XIRP2: variants seen among roughly 807,000 people sequenced by gnomAD.
XIRP2 encodes the protein xin actin binding repeat containing 2, also known as xin actin-binding repeat-containing protein 2.
In XIRP2, 236 loss-of-function variants were observed where a neutral mutation model predicts 277.0. That is an observed-to-expected ratio of 0.85 (90% CI 0.77 to 0.95). The LOEUF (loss-of-function observed/expected upper bound fraction) is 0.95, where lower values mean the gene tolerates loss of function less well. Ranked by LOEUF, XIRP2 falls within the 40% of genes least tolerant of loss-of-function variation. The probability of loss-of-function intolerance (pLI) is 0.00; values close to 1 mark genes in which losing one functional copy is unlikely to be tolerated. For missense variants in XIRP2, 4,640 were observed against 4,157.5 expected, an observed-to-expected ratio of 1.12 and a Z score of -3.19; for synonymous variants, 1,490 against 1,416.5, an observed-to-expected ratio of 1.05 and a Z score of -1.17.
intron 3 of XIRP2, among the ~76,000 whole-genome samples, chr2:167,199,512 T>C (rs1013527145): frequency 6.6e-6 from 1 of 152,202 alleles, no homozygotes; most frequent in Admixed American, 6.5e-5. Context: ...GGTTGATCAT[T>C]TGAGGAAAAA....
rs761558447 is a variant in XIRP2 at position 167,258,812 on chromosome 2, T to A, written c.*995T>A. On this transcript the variant is annotated 3_prime_UTR_variant, in exon 11 of 11. Transcript: ENST00000409195. ...TGAAATTGAGAAGTTAGAAAATACATCTAGAATCTCAGAGTTACTTGGTAT... is the reference window on the plus strand; with the variant it reads ...TGAAATTGAGAAGTTAGAAAATACAACTAGAATCTCAGAGTTACTTGGTAT... 1.9e-6 allele frequency: 3 copies of A among 1,613,172 alleles called. No homozygotes were observed. The highest frequency in any genetic ancestry group is 2.2e-5 in the East Asian group (1 of 44,824).
rs544674757 is a variant in XIRP2, at chr2:167,020,695, A to G, written c.409-115214A>G. ...TATACTGGACAAACACAGATGGTTA[A>G]TTTGCTGGCTGATGATTTATTATAT... On this transcript the variant is annotated intron_variant, in intron 2 of 10. Transcript: ENST00000409195. 2.0e-5 allele frequency among the ~76,000 whole-genome samples: 3 copies of G among 152,124 alleles called. No individual in the cohort carries two copies. In the South Asian group the frequency reaches 6.2e-4, roughly 32 times the overall value.
intron 3 of XIRP2, among the ~76,000 whole-genome samples, chr2:167,205,465 A>C (rs548782044): frequency 6.6e-6 from 1 of 152,146 alleles, no homozygotes; most frequent in Non-Finnish European, 1.5e-5. Flanking sequence ...ATTTTCCCAT[A>C]AAGGTTTCCT....
chr2:167,073,230 GT>G (rs948868239), intron 2 of XIRP2, among the ~76,000 whole-genome samples: 3 of 151,994 alleles, frequency 2.0e-5, no homozygotes, highest in South Asian at 4.2e-4. Context: ...TAATCCTTAA[GT>G]TTTTTCTATC....
intron 3 of XIRP2, among the ~76,000 whole-genome samples, chr2:167,194,376 T>C (rs1295486277): frequency 6.6e-6 from 1 of 152,148 alleles, no homozygotes; most frequent in East Asian, 1.9e-4. Context: ...CCACCACACC[T>C]GGCCCATCTT....
intron 3 of XIRP2, among the ~76,000 whole-genome samples, chr2:167,136,479 C>T (rs1691556206): frequency 6.6e-6 from 1 of 152,152 alleles, no homozygotes; most frequent in Non-Finnish European, 1.5e-5. Flanking sequence ...CCTTAAGCAT[C>T]TCCTTTTCAG....
chr2:167,016,437 A>T (rs1293548577), intron 2 of XIRP2, among the ~76,000 whole-genome samples: 1 of 151,824 alleles, frequency 6.6e-6, no homozygotes, highest in Non-Finnish European at 1.5e-5. Flanking sequence ...CAAAGACATA[A>T]CTCCTCAGGG....
chr2:167,023,512 A>G (rs1478540981), intron 2 of XIRP2, among the ~76,000 whole-genome samples: 6 of 152,038 alleles, frequency 3.9e-5, no homozygotes, highest in East Asian at 1.9e-4. Flanking sequence ...TTGGTGTTTT[A>G]GACATGAAGT....
chr2:167,255,482 G>A (rs1443674514), intron 10 of XIRP2, among the ~76,000 whole-genome samples: 1 of 151,676 alleles, frequency 6.6e-6, no homozygotes, highest in Non-Finnish European at 1.5e-5. Flanking sequence ...CCGTCACCAA[G>A]TCCTGCAATT....
chr2:166,907,783 G>T (rs1684568334), intron 2 of XIRP2, among the ~76,000 whole-genome samples: 1 of 101,704 alleles, frequency 9.8e-6, no homozygotes, highest in African/African-American at 4.1e-5. Context: ...CCCCATGACA[G>T]GCCCCAGTGT....
At chr2:167,002,516 T>G (rs1687400360) in intron 2 of XIRP2, among the ~76,000 whole-genome samples, 1 of 151,988 alleles carries the variant, frequency 6.6e-6, no homozygotes, top group Non-Finnish European at 1.5e-5. Context: ...AGGTTGGTAA[T>G]TTTCCATCAT....
chr2:166,998,720 A>G (rs548236959), intron 2 of XIRP2, among the ~76,000 whole-genome samples: 5 of 152,148 alleles, frequency 3.3e-5, no homozygotes, highest in Non-Finnish European at 7.4e-5. Context: ...AGTTTAACCA[A>G]TCAGAAACTG....
chr2:167,169,515 C>A (rs1042305630), intron 3 of XIRP2, among the ~76,000 whole-genome samples: 2 of 152,190 alleles, frequency 1.3e-5, no homozygotes, highest in African/African-American at 4.8e-5. Context: ...TATCTCCAAT[C>A]TTGACAGCAG....
intron 4 of XIRP2, among the ~76,000 whole-genome samples, chr2:167,213,957 C>T (rs1316629457): frequency 6.6e-6 from 1 of 151,512 alleles, no homozygotes; most frequent in East Asian, 1.9e-4. Flanking sequence ...GGTGGCTCAC[C>T]CCTGTAATCC....
chr2:167,258,046 T>G lies in XIRP2; in HGVS notation c.*229T>G. The stretch of plus-strand genomic sequence containing the variant: ...AAGAACCAAATATGTGTAAAAATAT[T>G]GCAGAAAACACCCTTGTACCTGGAG... On this transcript the variant is annotated 3_prime_UTR_variant, in exon 11 of 11. Coordinates refer to ENST00000409195, the MANE Select transcript of XIRP2 (RefSeq NM_152381.6). The G allele has an allele frequency of 6.2e-7, 1 of 1,613,024 alleles. No homozygotes were observed. Among genetic ancestry groups the G allele is most frequent in the Non-Finnish European group, 8.5e-7 (1 of 1,179,484 alleles).
intron 4 of XIRP2, among the ~76,000 whole-genome samples, chr2:167,215,461 T>A (rs1280457577): frequency 6.6e-6 from 1 of 152,188 alleles, no homozygotes; most frequent in Non-Finnish European, 1.5e-5. Flanking sequence ...AATCCTAATA[T>A]TAGTCTATAA....
At chr2:167,038,434 T>A (rs1688574237) in intron 2 of XIRP2, among the ~76,000 whole-genome samples, 1 of 151,536 alleles carries the variant, frequency 6.6e-6, no homozygotes. Context: ...AATATTGTAA[T>A]ATATTAAATA....
At chr2:167,146,229 G>T (rs1691861513) in intron 3 of XIRP2, among the ~76,000 whole-genome samples, 1 of 152,058 alleles carries the variant, frequency 6.6e-6, no homozygotes, top group African/African-American at 2.4e-5. Context: ...ACTGGGCATA[G>T]TGGCTCATGC....
At chr2:167,061,761 G>A (rs573667270) in intron 2 of XIRP2, among the ~76,000 whole-genome samples, 2 of 152,120 alleles carry the variant, frequency 1.3e-5, no homozygotes, top group East Asian at 3.9e-4. Flanking sequence ...TATAACCCAA[G>A]TAATGTGAAG....
Sources: gnomAD v4.1 joint callset for allele counts (sites outside exome capture counted in the v4.1 genomes callset) on GRCh38, gnomAD v4.1.1 for gene constraint, MANE v1.5 for transcripts, NCBI Gene and HGNC (gene_info 2026-07-23, HGNC 2026-07-21) for gene names.